Variants in RAB3C observed in about 807,000 individuals in gnomAD.
RAB3C encodes the protein ras-related protein Rab-3C.
RAB3C carries 17 observed loss-of-function variants against 26.4 expected under a neutral mutation model. The ratio of observed to expected loss-of-function variants is 0.64; its 90% CI spans 0.44 to 0.97. The LOEUF (loss-of-function observed/expected upper bound fraction) is 0.97. Ranked by LOEUF, RAB3C falls within the 50% of genes least tolerant of loss-of-function variation. The pLI, the probability that RAB3C is intolerant of heterozygous loss-of-function variation, is 0.00. For missense variants in RAB3C, 242 were observed against 281.9 expected, an observed-to-expected ratio of 0.86 and a Z score of 1.01; for synonymous variants, 91 against 95.9, an observed-to-expected ratio of 0.95 and a Z score of 0.30.
chr5:58,710,484 A>AGCTACTCAGC (rs1249300636), intron 2 of RAB3C, among the ~76,000 whole-genome samples: 1 of 151,988 alleles, frequency 6.6e-6, no homozygotes, highest in East Asian at 1.9e-4. Flanking sequence ...CTGTAATCTC[A>AGCTACTCAGC]GCTACTCAAG....
chr5:58,783,563 T>A (rs536566487), intron 3 of RAB3C, among the ~76,000 whole-genome samples: 27 of 152,312 alleles, frequency 1.8e-4, no homozygotes, highest in African/African-American at 5.1e-4. Context: ...ATTTGTATTT[T>A]AAGTAGTTGT....
At chr5:58,678,275 T>C (rs9283719) in intron 2 of RAB3C, among the ~76,000 whole-genome samples, 30,081 of 152,076 alleles carry the variant, frequency 0.2, 3,335 homozygotes, top group African/African-American at 0.3. Flanking sequence ...ATGAAACTTA[T>C]GTAGGTCCAT....
intron 3 of RAB3C, among the ~76,000 whole-genome samples, chr5:58,799,022 G>C (rs539859342): frequency 2.7e-4 from 41 of 152,252 alleles, no homozygotes; most frequent in African/African-American, 9.4e-4. Flanking sequence ...CTGGATCCTG[G>C]GGGGAAGAAA....
intron 3 of RAB3C, among the ~76,000 whole-genome samples, chr5:58,812,918 T>A (rs912954706): frequency 6.6e-6 from 1 of 152,174 alleles, no homozygotes; most frequent in Non-Finnish European, 1.5e-5. Context: ...TTTCTTTCTT[T>A]CCTCTCATAG....
At chr5:58,706,468 T>C (rs1318359609) in intron 2 of RAB3C, among the ~76,000 whole-genome samples, 3 of 152,196 alleles carry the variant, frequency 2.0e-5, no homozygotes, top group African/African-American at 7.2e-5. Flanking sequence ...AATGAGAATA[T>C]ATCCATTTAT....
intron 2 of RAB3C, among the ~76,000 whole-genome samples, chr5:58,704,060 A>G (rs771792381): frequency 6.6e-6 from 1 of 152,216 alleles, no homozygotes; most frequent in East Asian, 1.9e-4. Flanking sequence ...CCCAGAAAGA[A>G]TCTCTGATTC....
chr5:58,674,289 C>T (rs184362520), intron 2 of RAB3C, among the ~76,000 whole-genome samples: 2 of 152,306 alleles, frequency 1.3e-5, no homozygotes, highest in Admixed American at 6.5e-5. Flanking sequence ...GGCATCATTT[C>T]TCTCACTCTT....
intron 2 of RAB3C, among the ~76,000 whole-genome samples, chr5:58,693,845 A>G (rs1579861940): frequency 6.6e-6 from 1 of 152,206 alleles, no homozygotes; most frequent in East Asian, 1.9e-4. Flanking sequence ...AGCCAGAGTC[A>G]CAGGCATCTG....
At chr5:58,837,243 G>A (rs1047685506) in intron 4 of RAB3C, among the ~76,000 whole-genome samples, 4 of 148,836 alleles carry the variant, frequency 2.7e-5, no homozygotes, top group Admixed American at 2.7e-4. Context: ...TGGAGTGGGT[G>A]TGATATCGGC....
chr5:58,836,099 C>T (rs1369353684), intron 4 of RAB3C, among the ~76,000 whole-genome samples: 2 of 152,084 alleles, frequency 1.3e-5, no homozygotes, highest in African/African-American at 4.8e-5. Flanking sequence ...AAATGTCACA[C>T]AGTTGGTAAT....
At chr5:58,778,770 A>G (rs1742205441) in intron 3 of RAB3C, among the ~76,000 whole-genome samples, 1 of 152,116 alleles carries the variant, frequency 6.6e-6, no homozygotes, top group Admixed American at 6.6e-5. Context: ...TGAGTCCCAC[A>G]TATATGTCTT....
chr5:58,618,287 T>G (rs1746866842), intron 2 of RAB3C, among the ~76,000 whole-genome samples: 1 of 152,142 alleles, frequency 6.6e-6, no homozygotes, highest in Admixed American at 6.6e-5. Context: ...CAGCCTCTCC[T>G]GGGCATTTCA....
chr5:58,747,325 G>GGA lies in RAB3C; in HGVS notation c.371+21206_371+21207dup, dbSNP rs1440670490. 1.4e-4 allele frequency among the ~76,000 whole-genome samples: 22 copies of GGA among 152,006 alleles called. 1 individual carries two copies. In the East Asian group the frequency reaches 4.2e-3, roughly 29 times the overall value. ...GTATAAGTTTCCCATGCTATATGTG[G>GGA]GACATATACTAAAAATTATTTATAT... On this transcript the variant is annotated intron_variant, in intron 3 of 4. Transcript: ENST00000282878.
chr5:58,830,560 C>T (rs1012638641), intron 4 of RAB3C, among the ~76,000 whole-genome samples: 1 of 152,122 alleles, frequency 6.6e-6, no homozygotes, highest in South Asian at 2.1e-4. Context: ...TTCTACTGAG[C>T]CTGAATGACC....
chr5:58,833,106 G>A (rs1743653170), intron 4 of RAB3C, among the ~76,000 whole-genome samples: 1 of 151,952 alleles, frequency 6.6e-6, no homozygotes, highest in Admixed American at 6.6e-5. Context: ...ATGTATTAGG[G>A]CAGTACTGTT....
intron 2 of RAB3C, among the ~76,000 whole-genome samples, chr5:58,712,776 C>T (rs1224511291): frequency 6.6e-6 from 1 of 152,200 alleles, no homozygotes; most frequent in Admixed American, 6.5e-5. Context: ...CCACCCATCT[C>T]AGCCTCCCAA....
In RAB3C at chr5:58,801,572, C is replaced by T. The variant is rs143509255; in HGVS notation, c.372-23466C>T. On this transcript the variant is annotated intron_variant, in intron 3 of 4. Coordinates refer to ENST00000282878, the MANE Select transcript of RAB3C (RefSeq NM_138453.4). Reference sequence around the variant, plus strand: ...ATTGGACTACAGCATGGCATCATCCCGTACCCATGGTTATGGATAAGTATG... The same window carrying T: ...ATTGGACTACAGCATGGCATCATCCTGTACCCATGGTTATGGATAAGTATG... 2.1e-3 allele frequency among the ~76,000 whole-genome samples: 316 copies of T among 152,294 alleles called. 2 individuals are homozygous for T. The highest frequency in any genetic ancestry group is 7.1e-3 in the African/African-American group (297 of 41,566).
At chr5:58,724,480 CT>C (rs869182414) in intron 2 of RAB3C, among the ~76,000 whole-genome samples, 32 of 151,596 alleles carry the variant, frequency 2.1e-4, no homozygotes, top group Admixed American at 5.3e-4. Flanking sequence ...TATAAACTTC[CT>C]TTTTTCCCCC....
intron 3 of RAB3C, among the ~76,000 whole-genome samples, chr5:58,763,937 G>A (rs1741845560): frequency 6.6e-6 from 1 of 152,052 alleles, no homozygotes; most frequent in Non-Finnish European, 1.5e-5. Context: ...AGGATCTCAG[G>A]GTCTGCACCC....
Sources: allele counts gnomAD v4.1 joint callset (sites outside exome capture counted in the v4.1 genomes callset), GRCh38; gene constraint gnomAD v4.1.1; transcripts MANE v1.5; gene names NCBI Gene and HGNC (gene_info 2026-07-23, HGNC 2026-07-21).